Variants in NSMCE4A observed in about 807,000 individuals in gnomAD.
NSMCE4A encodes non-structural maintenance of chromosomes element 4 homolog A.
In NSMCE4A, 40 loss-of-function variants were observed where a neutral mutation model predicts 47.9. The ratio of observed to expected loss-of-function variants is 0.83; its 90% CI spans 0.65 to 1.09. The LOEUF is 1.09. NSMCE4A is among the 50% of genes least tolerant of loss of function. The pLI, the probability that NSMCE4A is intolerant of heterozygous loss-of-function variation, is 0.00. For missense variants in NSMCE4A, 500 were observed against 507.0 expected (o/e 0.99, Z 0.13); for synonymous variants, 166 against 178.5 (o/e 0.93, Z 0.56).
chr10:121,974,327 C>T, intron 1 of NSMCE4A: 1 of 1,297,524 alleles, frequency 7.7e-7, no homozygotes, highest in Non-Finnish European at 9.8e-7. Context: ...GGGCTGGACT[C>T]CGGCTGCAGC....
At chr10:121,965,176 C>A in intron 5 of NSMCE4A, 110 bp downstream of exon 5, 1 of 620,270 alleles carries the variant, frequency 1.6e-6, no homozygotes, top group South Asian at 2.1e-5. Flanking sequence ...GTGACAAAAC[C>A]TGGCTCCAGA....
chr10:121,969,637 C>T (rs1356422874), intron 3 of NSMCE4A, among the ~76,000 whole-genome samples: 2 of 151,990 alleles, frequency 1.3e-5, no homozygotes, highest in African/African-American at 4.8e-5. Flanking sequence ...CATAAACATC[C>T]AGTTAGAAAT....
chr10:121,970,731 CT>C (rs1188466986), intron 3 of NSMCE4A, among the ~76,000 whole-genome samples: 1 of 152,064 alleles, frequency 6.6e-6, no homozygotes. Context: ...AGACAGAATG[CT>C]ACGAGATTTT....
intron 3 of NSMCE4A, among the ~76,000 whole-genome samples, chr10:121,968,258 C>T (rs1952643722): frequency 6.6e-6 from 1 of 152,176 alleles, no homozygotes; most frequent in Admixed American, 6.5e-5. Flanking sequence ...TCCATAGTGC[C>T]AGTGCTGAGA....
chr10:121,969,075 T>A (rs925963433), intron 3 of NSMCE4A, among the ~76,000 whole-genome samples: 1 of 152,268 alleles, frequency 6.6e-6, no homozygotes, highest in Admixed American at 6.5e-5. Flanking sequence ...CCGGGCACGG[T>A]GGCTCATGCC....
At chr10:121,974,753 TCTA>T (rs1423567884) in intron 1 of NSMCE4A, 118 bp downstream of exon 1, 1 of 1,161,704 alleles carries the variant, frequency 8.6e-7, no homozygotes, top group Non-Finnish European at 1.1e-6. Flanking sequence ...CCGGCGCGTC[TCTA>T]CTAACGCCGC....
At chr10:121,972,727 A>C (rs549164050) in intron 2 of NSMCE4A, among the ~76,000 whole-genome samples, 1 of 152,302 alleles carries the variant, frequency 6.6e-6, no homozygotes, top group South Asian at 2.1e-4. Context: ...GACAAAACTT[A>C]AGAGGGTAGT....
Position 121,974,985 on chromosome 10 carries a change from A to G in NSMCE4A, c.181T>C (p.Ser61Pro). 1 of 1,522,344 alleles carries G rather than the reference A, an allele frequency of 6.6e-7. No homozygotes were observed. Among genetic ancestry groups the G allele is most frequent in the East Asian group, 2.7e-5 (1 of 36,384 alleles). The allele number at this position is 1,522,344 out of a possible 1,614,324, so 94.3% of individuals were successfully genotyped here. The change falls in exon 1 of 11, where the codon TCG becomes CCG. Residue 61 changes from serine (S) to proline (P), a missense_variant. By Grantham distance (74) the Ser-to-Pro change is moderately conservative. Transcript: ENST00000369023. ...ERPSLEDTEP[S>P]DSGDEMMDPA... ...TCCATCATCTCGTCCCCGGAATCCG[A>G]CGGCTCTGTGTCCTCCAGGCTCGGG... is the stretch of plus-strand genomic sequence containing the variant.
chr10:121,974,881 G>C lies in NSMCE4A; in HGVS notation c.285C>G (p.Ser95=). ...CCGGAGGCGCCGCCTTACGTTGGACGGAGTTGATGAGCGCCCGGTACTGAT... is the reference window on the plus strand; with the variant it reads ...CCGGAGGCGCCGCCTTACGTTGGACCGAGTTGATGAGCGCCCGGTACTGAT... ...IRHQYRALIN[S]VQQNREDILN... Residue 95 remains serine (S), a synonymous_variant, in exon 1 of 11, where the codon TCC becomes TCG. Coordinates refer to ENST00000369023, the MANE Select transcript of NSMCE4A (RefSeq NM_017615.3). The C allele has an allele frequency of 2.0e-6, 3 of 1,494,596 alleles. No individual in the cohort carries two copies. The highest frequency in any genetic ancestry group is 1.8e-6 in the Non-Finnish European group (2 of 1,124,140). 92.6% of individuals were successfully genotyped at this position (1,494,596 alleles called of 1,614,324 possible).
rs147547506 is a variant in NSMCE4A at position 121,961,514 on chromosome 10, T to A, written c.848A>T (p.Asp283Val). The A allele has an allele frequency of 3.5e-5, 55 of 1,556,832 alleles. No individual in the cohort carries two copies. The African/African-American group carries it at 6.8e-4, about 19-fold the overall frequency. ...LLQTYFREDP[D>V]TPMSFFDFVV... Reference sequence around the variant, plus strand: ...AAAGTCAAAGAAGGACATTGGGGTATCAGCTATAGACAAAAAGAGAAAAAA... The same window carrying A: ...AAAGTCAAAGAAGGACATTGGGGTAACAGCTATAGACAAAAAGAGAAAAAA... The change falls in exon 7 of 11, where the codon GAT becomes GTT. Residue 283 changes from aspartate to valine, a missense_variant. By Grantham distance (152) the Asp-to-Val change is radical. Transcript: ENST00000369023.
rs535155396 is a variant in NSMCE4A at position 121,970,328 on chromosome 10, C to T, written c.501+611G>A. 4.6e-5 allele frequency among the ~76,000 whole-genome samples: 7 copies of T among 151,566 alleles called. No individual in the cohort carries two copies. In the South Asian group the frequency reaches 8.4e-4, roughly 18 times the overall value. ...TCTACTAAAAATACAAAAAATTAGC[C>T]GGGCGTGGTGGCAGGCGCCTGTAGT... On this transcript the variant is annotated intron_variant, in intron 3 of 10. Transcript: ENST00000369023.
intron 5 of NSMCE4A, among the ~76,000 whole-genome samples, chr10:121,964,721 T>G (rs1349826247): frequency 1.3e-5 from 2 of 152,270 alleles, no homozygotes; most frequent in Non-Finnish European, 2.9e-5. Context: ...ATTACAGGCG[T>G]AAGCCACTGT....
At chr10:121,962,558 A>G (rs1952521525) in intron 6 of NSMCE4A, among the ~76,000 whole-genome samples, 3 of 152,302 alleles carry the variant, frequency 2.0e-5, no homozygotes, top group African/African-American at 7.2e-5. Flanking sequence ...CCACATGGAA[A>G]AGTCACGTAG....
chr10:121,974,843 G>C (rs1223735849), intron 1 of NSMCE4A, 31 bp downstream of exon 1: 2 of 1,410,080 alleles, frequency 1.4e-6, no homozygotes, highest in Middle Eastern at 2.4e-4. Flanking sequence ...CGGCCCGTCC[G>C]GGCCCGCGCC....
chr10:121,957,240 C>T lies in NSMCE4A; in HGVS notation c.*32G>A, dbSNP rs1440378731. 1 of 152,528 alleles carries T rather than the reference C, an allele frequency of 6.6e-6. No individual in the cohort carries two copies. Among genetic ancestry groups the T allele is most frequent in the Admixed American group, 6.5e-5 (1 of 15,268 alleles). The allele number at this position is 152,528 out of a possible 1,614,324, so 9.4% of individuals were successfully genotyped here. A position where few individuals can be genotyped will look rare whatever the true frequency, so the allele number is the denominator to read the frequency against. ...GATACATGCCGCTTTCCGTTTTGGA[C>T]TTCACTATCCATTTGAGTCCTAAAA... On this transcript the variant is annotated 3_prime_UTR_variant, in exon 11 of 11. Coordinates refer to ENST00000369023, the MANE Select transcript of NSMCE4A (RefSeq NM_017615.3).
intron 10 of NSMCE4A, among the ~76,000 whole-genome samples, 163 bp from the exon 11 acceptor site, chr10:121,957,422 CTTTTTTCTTTTTT>C (rs1416721813): frequency 3.4e-5 from 4 of 117,770 alleles, no homozygotes; most frequent in African/African-American, 1.3e-4. Context: ...TTCCCTTCTT[CTTTTTTCTTTTTT>C]TTTTTTTTTT....
chr10:121,963,416 C>A (rs1320414728), intron 5 of NSMCE4A, 88 bp from the exon 6 acceptor site: 5 of 711,818 alleles, frequency 7.0e-6, no homozygotes, highest in Non-Finnish European at 9.6e-6. Context: ...TCCTTTTCTT[C>A]TCTCTTGCAC....
chr10:121,961,636 C>T, intron 6 of NSMCE4A, 119 bp from the exon 7 acceptor site: 1 of 593,498 alleles, frequency 1.7e-6, no homozygotes, highest in Admixed American at 4.0e-5. Context: ...GAGTGCAAAT[C>T]AATCCAACCC....
chr10:121,959,119 G>T (rs771206577), intron 10 of NSMCE4A, among the ~76,000 whole-genome samples: 5 of 152,082 alleles, frequency 3.3e-5, no homozygotes, highest in African/African-American at 4.8e-5. Context: ...GGCCTCAGCT[G>T]CAAATCTTAA....
Sources: allele counts gnomAD v4.1 joint callset (sites outside exome capture counted in the v4.1 genomes callset), GRCh38; gene constraint gnomAD v4.1.1; transcripts MANE v1.5; gene names NCBI Gene and HGNC (gene_info 2026-07-23, HGNC 2026-07-21).